Variants in PCCA observed in about 807,000 individuals in gnomAD.
The protein encoded by PCCA is propionyl-CoA carboxylase subunit alpha, also known as propionyl-CoA carboxylase alpha chain, mitochondrial.
PCCA carries 74 observed loss-of-function variants against 101.3 expected under a neutral mutation model. The observed-to-expected ratio is 0.73, with a 90% confidence interval of 0.61 to 0.89. The LOEUF is 0.89. Among genes scored for constraint, PCCA ranks in the 40% least tolerant of loss-of-function variants. The pLI is 0.00. For missense variants in PCCA, 891 were observed against 907.0 expected (o/e 0.98, Z 0.23); for synonymous variants, 294 against 313.6 (o/e 0.94, Z 0.66).
intron 19 of PCCA, among the ~76,000 whole-genome samples, chr13:100,422,136 T>C (rs1227919151): frequency 8.9e-6 from 1 of 112,886 alleles, no homozygotes; most frequent in Non-Finnish European, 1.6e-5. Context: ...TCTTTCTTTC[T>C]TTTTTTTTTT....
At chr13:100,427,477 T>G (rs769064779) in intron 20 of PCCA, among the ~76,000 whole-genome samples, 1 of 152,240 alleles carries the variant, frequency 6.6e-6, no homozygotes, top group African/African-American at 2.4e-5. Flanking sequence ...AATTTATAGC[T>G]AGATTAATAG....
At chr13:100,340,938 G>GA (rs145000633) in intron 18 of PCCA, among the ~76,000 whole-genome samples, 29 of 149,984 alleles carry the variant, frequency 1.9e-4, no homozygotes, top group Non-Finnish European at 2.8e-4. Context: ...TTAAAAAAAA[G>GA]AAAAAAAAAG....
chr13:100,524,332 A>G (rs930994969), intron 22 of PCCA, among the ~76,000 whole-genome samples: 7 of 148,620 alleles, frequency 4.7e-5, no homozygotes, highest in East Asian at 4.0e-4. Flanking sequence ...CTCCAGCTCA[A>G]TTTTTTCCAA....
At chr13:100,412,013 T>A (rs2078083440) in intron 19 of PCCA, among the ~76,000 whole-genome samples, 1 of 152,228 alleles carries the variant, frequency 6.6e-6, no homozygotes, top group Non-Finnish European at 1.5e-5. Flanking sequence ...AAACTAAATG[T>A]ATGAACCTAA....
chr13:100,323,346 G>T (rs1257218551), intron 16 of PCCA, among the ~76,000 whole-genome samples: 1 of 150,766 alleles, frequency 6.6e-6, no homozygotes, highest in Non-Finnish European at 1.5e-5. Context: ...TTTTGAGACA[G>T]AGTCTCACTC....
At chr13:100,484,679 A>G (rs1162903802) in intron 21 of PCCA, among the ~76,000 whole-genome samples, 2 of 152,268 alleles carry the variant, frequency 1.3e-5, no homozygotes, top group African/African-American at 4.8e-5. Context: ...ACACATATCA[A>G]ATAGACAGCT....
At chr13:100,218,344 GTT>G (rs74359948) in intron 7 of PCCA, among the ~76,000 whole-genome samples, 43 of 136,364 alleles carry the variant, frequency 3.2e-4, no homozygotes, top group Non-Finnish European at 4.0e-4. Flanking sequence ...GCTATGGGTT[GTT>G]TTTTTTTTTT....
At chr13:100,451,740 T>TC (rs2081264640) in intron 21 of PCCA, among the ~76,000 whole-genome samples, 6 of 59,334 alleles carry the variant, frequency 1.0e-4, no homozygotes, top group African/African-American at 2.3e-4. Flanking sequence ...CTCTCTCTCT[T>TC]CTCTCCTTCC....
At chr13:100,223,636 G>A (rs932652276) in intron 7 of PCCA, among the ~76,000 whole-genome samples, 1 of 152,140 alleles carries the variant, frequency 6.6e-6, no homozygotes, top group Non-Finnish European at 1.5e-5. Context: ...ACCCGAGCGT[G>A]TTGCCACTGC....
intron 19 of PCCA, among the ~76,000 whole-genome samples, chr13:100,406,027 A>G (rs1466540242): frequency 6.6e-6 from 1 of 152,002 alleles, no homozygotes; most frequent in Non-Finnish European, 1.5e-5. Context: ...GGCCTCCCAA[A>G]GTGCTGGGAT....
intron 17 of PCCA, among the ~76,000 whole-genome samples, chr13:100,339,155 G>A (rs113419618): frequency 6.2e-4 from 94 of 152,014 alleles, no homozygotes; most frequent in Middle Eastern, 3.4e-3. Context: ...CTTATAATGC[G>A]TAGTACAATG....
At chr13:100,196,379 G>C (rs1325438158) in intron 6 of PCCA, among the ~76,000 whole-genome samples, 2 of 152,124 alleles carry the variant, frequency 1.3e-5, no homozygotes, top group Non-Finnish European at 2.9e-5. Flanking sequence ...CATCAGTGTA[G>C]GAGAAACAAG....
At chr13:100,488,462 A>G (rs575008294) in intron 21 of PCCA, among the ~76,000 whole-genome samples, 1 of 152,242 alleles carries the variant, frequency 6.6e-6, no homozygotes, top group East Asian at 1.9e-4. Context: ...TTGCAAAAAT[A>G]TTGCACATTA....
intron 21 of PCCA, among the ~76,000 whole-genome samples, chr13:100,483,145 C>T (rs535099275): frequency 1.3e-5 from 2 of 152,060 alleles, no homozygotes; most frequent in African/African-American, 4.8e-5. Context: ...GGAAAAGCCA[C>T]GTTTTACTTT....
intron 18 of PCCA, among the ~76,000 whole-genome samples, chr13:100,349,824 C>A (rs2152775361): frequency 6.6e-6 from 1 of 152,270 alleles, no homozygotes; most frequent in South Asian, 2.1e-4. Flanking sequence ...CTCTTTCAGC[C>A]ACAGTAGCAT....
intron 18 of PCCA, among the ~76,000 whole-genome samples, chr13:100,361,444 CTTTT>C (rs71419745): frequency 0.65 from 97,276 of 149,290 alleles, 32,296 homozygotes; most frequent in Middle Eastern, 0.8. Flanking sequence ...AAAATAATGT[CTTTT>C]TTTTTTTTTT....
chr13:100,501,655 C>T (rs1316000748), intron 21 of PCCA, among the ~76,000 whole-genome samples: 4 of 152,066 alleles, frequency 2.6e-5, no homozygotes, highest in Non-Finnish European at 4.4e-5. Context: ...GGGTGGCTCA[C>T]GAGGTCAGGA....
intron 21 of PCCA, among the ~76,000 whole-genome samples, chr13:100,461,613 CTCTCTGTCCCATCCCTT>C (rs1430145260): frequency 6.6e-6 from 1 of 152,168 alleles, no homozygotes; most frequent in African/African-American, 2.4e-5. Flanking sequence ...TTGATCTCTC[CTCTCTGTCCCATCCCTT>C]TCTCTGTGTC....
Position 100,089,142 on chromosome 13 carries a change from A to G in PCCA, c.22A>G (p.Thr8Ala). 6.6e-7 allele frequency: 1 copy of G among 1,522,144 alleles called. No homozygotes were observed. The highest frequency in any genetic ancestry group is 1.3e-5 in the South Asian group (1 of 79,430). The allele number at this position is 1,522,144 out of a possible 1,614,324, so 94.3% of individuals were successfully genotyped here. A position where few individuals can be genotyped will look rare whatever the true frequency, so the allele number is the denominator to read the frequency against. Residue 8 changes from threonine (T) to alanine (A), a missense_variant, in exon 1 of 24, where the codon ACA becomes GCA. By Grantham distance (58) the Thr-to-Ala change is moderately conservative. Coordinates refer to ENST00000376285, the MANE Select transcript of PCCA (RefSeq NM_000282.4). ...AACAATGGCGGGGTTCTGGGTCGGG[A>G]CAGCACCGCTGGTCGCTGCCGGACG... MAGFWVG[T>A]APLVAAGRRG...
Sources: gnomAD v4.1 joint callset for allele counts (sites outside exome capture counted in the v4.1 genomes callset) on GRCh38, gnomAD v4.1.1 for gene constraint, MANE v1.5 for transcripts, NCBI Gene and HGNC (gene_info 2026-07-23, HGNC 2026-07-21) for gene names.